Variants in SNX29 observed in about 807,000 individuals in gnomAD.
SNX29 encodes sorting nexin-29.
In SNX29, 78 loss-of-function variants were observed where a neutral mutation model predicts 102.1. The observed-to-expected ratio is 0.76, with a 90% CI of 0.64 to 0.92. The LOEUF (loss-of-function observed/expected upper bound fraction) is 0.92, where lower values mean the gene tolerates loss of function less well. SNX29 is among the 40% of genes least tolerant of loss of function. The pLI is 0.00. For synonymous variants in SNX29, 580 were observed against 414.5 expected, an observed-to-expected ratio of 1.40 and a Z score of -4.85; for missense variants, 1,280 against 1,061.7, an observed-to-expected ratio of 1.21 and a Z score of -2.86.
intron 16 of SNX29, among the ~76,000 whole-genome samples, chr16:12,380,377 C>CACCCACCCACCCATCATCT (rs2083034345): frequency 3.3e-5 from 2 of 60,422 alleles, no homozygotes; most frequent in Admixed American, 3.9e-4. Flanking sequence ...TCCACTTATC[C>CACCCACCCACCCATCATCT]ACCCACCCAC....
rs1200270406 is a variant in SNX29 at position 12,572,297 on chromosome 16, A to T, written c.*3668A>T. 4.2e-5 allele frequency: 39 copies of T among 932,918 alleles called. No individual in the cohort carries two copies. The highest frequency in any genetic ancestry group is 4.7e-5 in the Non-Finnish European group (39 of 822,124). The allele number at this position is 932,918 out of a possible 1,614,324, so 57.8% of individuals were successfully genotyped here. A position where few individuals can be genotyped will look rare whatever the true frequency, so the allele number is the denominator to read the frequency against. On this transcript the variant is annotated 3_prime_UTR_variant, in exon 21 of 21. Transcript: ENST00000566228. The stretch of plus-strand genomic sequence containing the variant: ...CAACTAACAAGTACTGGGGCCAGTG[A>T]TCACAATCCAGGTTGGAAACAGGAG...
intron 16 of SNX29, among the ~76,000 whole-genome samples, chr16:12,396,885 A>G (rs948683241): frequency 6.6e-6 from 1 of 152,224 alleles, no homozygotes; most frequent in Non-Finnish European, 1.5e-5. Flanking sequence ...AAAAGTTCAA[A>G]ATAGAAAATA....
Position 12,240,980 on chromosome 16 carries a change from A to G in SNX29, c.1679-36953A>G, listed in dbSNP as rs571078609. Among the ~76,000 whole-genome samples the G allele has an allele frequency of 4.6e-5, 7 of 152,102 alleles. No homozygotes were observed. The South Asian group carries it at 1.2e-3, about 27-fold the overall frequency. On this transcript the variant is annotated intron_variant, in intron 14 of 20. Coordinates refer to ENST00000566228, the MANE Select transcript of SNX29 (RefSeq NM_032167.5). ...ATTATTTTGACCCATAGTGGTTTTT[A>G]ATTTTTACCTAATCAAATCCGGTGA...
intron 14 of SNX29, among the ~76,000 whole-genome samples, chr16:12,273,929 A>T (rs1596715037): frequency 6.6e-6 from 1 of 151,998 alleles, no homozygotes. Flanking sequence ...CATTCCTCTC[A>T]TGGCTGAATA....
chr16:12,144,184 G>C (rs1012880808), intron 13 of SNX29, among the ~76,000 whole-genome samples: 2 of 152,182 alleles, frequency 1.3e-5, no homozygotes, highest in Non-Finnish European at 2.9e-5. Context: ...GAACGGATAA[G>C]CTCATTGAAA....
intron 19 of SNX29, among the ~76,000 whole-genome samples, chr16:12,514,544 C>T (rs965943264): frequency 6.6e-6 from 1 of 152,214 alleles, no homozygotes; most frequent in African/African-American, 2.4e-5. Flanking sequence ...GTATCAGCTT[C>T]ATTCTTCTGA....
chr16:12,558,060 A>C (rs1300833656), intron 20 of SNX29, among the ~76,000 whole-genome samples: 1 of 152,208 alleles, frequency 6.6e-6, no homozygotes, highest in Non-Finnish European at 1.5e-5. Flanking sequence ...CAACAGAGAC[A>C]TGATTGTGCT....
At chr16:12,071,062 G>C (rs1298201568) in intron 10 of SNX29, among the ~76,000 whole-genome samples, 1 of 151,622 alleles carries the variant, frequency 6.6e-6, no homozygotes, top group African/African-American at 2.4e-5. Context: ...GTAGATTCTG[G>C]ATATTAGCCC....
chr16:12,559,354 G>A lies in SNX29; in HGVS notation c.2319-9152G>A, dbSNP rs186322913. On this transcript the variant is annotated intron_variant, in intron 20 of 20. Coordinates refer to ENST00000566228, the MANE Select transcript of SNX29 (RefSeq NM_032167.5). ...GGGATCTAGGCTGCATGCTACTTAC[G>A]AGAATCTCATGCCTGATGATCTCTC... Among the ~76,000 whole-genome samples the A allele has an allele frequency of 1.5e-4, 23 of 151,566 alleles. 1 individual carries two copies. Among genetic ancestry groups the A allele is most frequent in the African/African-American group, 4.6e-4 (19 of 41,178 alleles).
At chr16:11,989,287 T>A (rs945577792) in intron 1 of SNX29, among the ~76,000 whole-genome samples, 1 of 152,114 alleles carries the variant, frequency 6.6e-6, no homozygotes, top group Admixed American at 6.6e-5. Context: ...CTAGAGTAAA[T>A]TGATGGTCCC....
chr16:11,996,739 C>A (rs2056088184), intron 1 of SNX29, among the ~76,000 whole-genome samples: 1 of 152,054 alleles, frequency 6.6e-6, no homozygotes, highest in Non-Finnish European at 1.5e-5. Flanking sequence ...AGATCAGAAT[C>A]CAAACCCTGG....
At chr16:12,474,905 C>G (rs1205208601) in intron 18 of SNX29, among the ~76,000 whole-genome samples, 1 of 152,152 alleles carries the variant, frequency 6.6e-6, no homozygotes, top group African/African-American at 2.4e-5. Context: ...AGGAGTACGC[C>G]CACGTGTGCT....
intron 18 of SNX29, among the ~76,000 whole-genome samples, chr16:12,442,010 C>A (rs2085829971): frequency 6.6e-6 from 1 of 151,936 alleles, no homozygotes; most frequent in Non-Finnish European, 1.5e-5. Context: ...GAACTCCTGA[C>A]CTCAGGTGAT....
chr16:12,436,258 G>A lies in SNX29; in HGVS notation c.2037+32729G>A, dbSNP rs539680764. 7.9e-5 allele frequency among the ~76,000 whole-genome samples: 12 copies of A among 152,280 alleles called. No homozygotes were observed. The East Asian group carries it at 2.1e-3, about 27-fold the overall frequency. On this transcript the variant is annotated intron_variant, in intron 18 of 20. Transcript: ENST00000566228. The stretch of plus-strand genomic sequence containing the variant: ...TCCTCCCTGGGCCCAGGCATCAGGC[G>A]CTGGCTCTCCACAGGAGGCCGCAGC...
chr16:12,350,953 A>G (rs569171513), intron 15 of SNX29, among the ~76,000 whole-genome samples: 1 of 152,298 alleles, frequency 6.6e-6, no homozygotes, highest in African/African-American at 2.4e-5. Context: ...TCTGCAGTAC[A>G]AATGAATTGT....
At chr16:12,565,598 C>G (rs567007094) in intron 20 of SNX29, among the ~76,000 whole-genome samples, 68 of 152,338 alleles carry the variant, frequency 4.5e-4, no homozygotes, top group African/African-American at 1.6e-3. Context: ...GCAGCCTACA[C>G]TCACTGGGAC....
In SNX29 at chr16:11,997,622, T is replaced by C. The variant is rs577076531; in HGVS notation, c.8-1675T>C. On this transcript the variant is annotated intron_variant, in intron 1 of 20. Transcript: ENST00000566228. ...CCTCATGAACAGCTGGGACCACAGG[T>C]GTGTGCCACCACGCCCGGCTAATTT... Among the ~76,000 whole-genome samples the C allele has an allele frequency of 3.3e-5, 5 of 152,084 alleles. No individual in the cohort carries two copies. In the East Asian group the frequency reaches 9.7e-4, roughly 29 times the overall value.
chr16:12,195,194 C>G (rs894183988), intron 13 of SNX29, among the ~76,000 whole-genome samples: 5 of 152,082 alleles, frequency 3.3e-5, no homozygotes, highest in Non-Finnish European at 7.4e-5. Flanking sequence ...ATATTCATCC[C>G]TGGGGATAAA....
chr16:12,341,315 T>G (rs539978104), intron 15 of SNX29, among the ~76,000 whole-genome samples: 1 of 152,342 alleles, frequency 6.6e-6, no homozygotes, highest in African/African-American at 2.4e-5. Flanking sequence ...ACCAGTTTCT[T>G]CTTGGGTAAA....
Sources: allele counts gnomAD v4.1 joint callset (sites outside exome capture counted in the v4.1 genomes callset), GRCh38; gene constraint gnomAD v4.1.1; transcripts MANE v1.5; gene names NCBI Gene and HGNC (gene_info 2026-07-23, HGNC 2026-07-21).